LRCH1: variants seen among roughly 807,000 people sequenced by gnomAD.
LRCH1 encodes the protein leucine-rich repeat and calponin homology domain-containing protein 1.
In LRCH1, 23 loss-of-function variants were observed where a neutral mutation model predicts 94.9. That is an observed-to-expected ratio of 0.24 (90% CI 0.17 to 0.34). The LOEUF (loss-of-function observed/expected upper bound fraction) is 0.34, where lower values mean the gene tolerates loss of function less well. Ranked by LOEUF, LRCH1 falls within the 10% of genes least tolerant of loss-of-function variation. LRCH1 has a pLI of 1.00. For synonymous variants in LRCH1, 364 were observed against 354.9 expected (o/e 1.03, Z -0.29); for missense variants, 790 against 945.9 (o/e 0.84, Z 2.16).
At position 46,741,812 on chromosome 13, in the gene LRCH1, C is replaced by G. The variant is rs888669554; in HGVS notation, c.2256C>G (p.Val752=). 1 of 1,614,162 alleles carries G rather than the reference C, an allele frequency of 6.2e-7. No homozygotes were observed. The highest frequency in any genetic ancestry group is 8.5e-7 in the Non-Finnish European group (1 of 1,180,032). The change falls in exon 20 of 20, where the codon GTC becomes GTG. Residue 752 remains valine (V), a synonymous_variant. Transcript: ENST00000389797. The stretch of plus-strand genomic sequence containing the variant: ...TCCATATTCTCTTTATAGTGCTGGT[C>G]TATATCACTTACCACTGGAATGCTC... The part of the protein sequence containing the change: ...CLVHILFIVL[V]YITYHWNALS...
At chr13:46,657,495 CTTTTCTTTTTTTTTTTTTTTTTTTTT>C (rs2051387380) in intron 2 of LRCH1, among the ~76,000 whole-genome samples, 3 of 16,824 alleles carry the variant, frequency 1.8e-4, no homozygotes, top group Middle Eastern at 0.042. Context: ...TTTTTCTTTT[CTTTTCTTTTTTTTTTTTTTTTTTTTT>C]TTTTTTTTTT....
At chr13:46,697,255 C>G (rs923077227) in intron 9 of LRCH1, among the ~76,000 whole-genome samples, 1 of 152,162 alleles carries the variant, frequency 6.6e-6, no homozygotes, top group Non-Finnish European at 1.5e-5. Context: ...TTCCTGCACC[C>G]TCTGCTCACA....
chr13:46,678,687 T>A (rs1010741826), intron 3 of LRCH1, among the ~76,000 whole-genome samples: 1 of 152,224 alleles, frequency 6.6e-6, no homozygotes, highest in African/African-American at 2.4e-5. Context: ...CCATTTTCCC[T>A]ACTGCCAAAT....
At chr13:46,695,063 G>T (rs1871109422) in intron 9 of LRCH1, 46 bp downstream of exon 9, 1 of 1,602,326 alleles carries the variant, frequency 6.2e-7, no homozygotes, top group Non-Finnish European at 8.5e-7. Flanking sequence ...ATTTCCTTCT[G>T]TTTGGCACCG....
intron 1 of LRCH1, among the ~76,000 whole-genome samples, chr13:46,636,367 T>G (rs936107738): frequency 7.9e-5 from 12 of 152,188 alleles, no homozygotes; most frequent in Non-Finnish European, 1.5e-4. Flanking sequence ...CCACTGCGCC[T>G]GGCCCATCTC....
At chr13:46,660,946 G>A (rs1700186175) in intron 2 of LRCH1, among the ~76,000 whole-genome samples, 1 of 152,008 alleles carries the variant, frequency 6.6e-6, no homozygotes, top group Admixed American at 6.5e-5. Flanking sequence ...GTATATCTTC[G>A]ATCCTTGTTT....
At chr13:46,651,441 A>G (rs545515027) in intron 2 of LRCH1, among the ~76,000 whole-genome samples, 3 of 152,152 alleles carry the variant, frequency 2.0e-5, no homozygotes, top group South Asian at 2.1e-4. Flanking sequence ...AGGCGGAGGG[A>G]TCGCCTGTCA....
rs371666094 is a variant in LRCH1, at chr13:46,635,055, C to T, written c.308-15146C>T. On this transcript the variant is annotated intron_variant, in intron 1 of 19. Coordinates refer to ENST00000389797, the MANE Select transcript of LRCH1 (RefSeq NM_001164211.2). ...ATAAGGATTGGGTTTTTTATAGGCA[C>T]AGGTAACAAGGTTGAACACAACCAA... Among the ~76,000 whole-genome samples, 431 of 152,260 alleles carry T rather than the reference C, an allele frequency of 2.8e-3. 2 individuals carry two copies. The highest frequency in any genetic ancestry group is 0.019 in the South Asian group (93 of 4,830).
At chr13:46,706,732 A>G (rs1871780949) in intron 13 of LRCH1, among the ~76,000 whole-genome samples, 1 of 146,798 alleles carries the variant, frequency 6.8e-6, no homozygotes, top group African/African-American at 2.6e-5. Context: ...AATTTTAAAC[A>G]TGAAAATAAT....
chr13:46,597,178 G>T (rs145588623), intron 1 of LRCH1, among the ~76,000 whole-genome samples: 3 of 152,152 alleles, frequency 2.0e-5, no homozygotes, highest in Admixed American at 2.0e-4. Flanking sequence ...CAAGGTACAC[G>T]TACCCGGTGG....
intron 1 of LRCH1, among the ~76,000 whole-genome samples, chr13:46,559,811 T>A (rs915325433): frequency 2.0e-5 from 3 of 152,218 alleles, no homozygotes; most frequent in African/African-American, 7.2e-5. Flanking sequence ...TGGTAGGTGT[T>A]TGATACTAGG....
chr13:46,615,098 C>T (rs900044216), intron 1 of LRCH1, among the ~76,000 whole-genome samples: 5 of 152,104 alleles, frequency 3.3e-5, no homozygotes, highest in African/African-American at 9.7e-5. Flanking sequence ...TTCTTAAAAA[C>T]GTTCATTTCA....
chr13:46,735,593 T>C lies in LRCH1; in HGVS notation c.2085+1595T>C, dbSNP rs374419206. Among the ~76,000 whole-genome samples the C allele has an allele frequency of 3.3e-5, 5 of 152,238 alleles. 1 individual carries two copies. Among genetic ancestry groups the C allele is most frequent in the African/African-American group, 1.2e-4 (5 of 41,558 alleles). ...AAAGGAAACTAAATTACCATAAAAA[T>C]CCAGAGCAAAATTTATCATAATTTC... On this transcript the variant is annotated intron_variant, in intron 19 of 19. Transcript: ENST00000389797.
intron 1 of LRCH1, among the ~76,000 whole-genome samples, chr13:46,608,715 C>G (rs2137997799): frequency 6.6e-6 from 1 of 152,292 alleles, no homozygotes; most frequent in East Asian, 1.9e-4. Context: ...TTGCTCGTCT[C>G]TTGCTAAAAG....
intron 1 of LRCH1, among the ~76,000 whole-genome samples, chr13:46,607,423 T>G (rs1014892971): frequency 5.3e-5 from 8 of 152,198 alleles, no homozygotes; most frequent in Admixed American, 1.3e-4. Flanking sequence ...ATTTTTATTT[T>G]GTTTTGGTGC....
In LRCH1 at chr13:46,743,464, C is replaced by T. The variant is rs182554824; in HGVS notation, c.*1616C>T. On this transcript the variant is annotated 3_prime_UTR_variant, in exon 20 of 20. Transcript: ENST00000389797. ...ATTAACCTCAGTTGTATATGAATAA[C>T]CCACAGATGTACTGAATTACTTTTG... The T allele has an allele frequency of 3.0e-6, 3 of 985,728 alleles. No homozygotes were observed. In the East Asian group the frequency reaches 3.4e-4, roughly 112 times the overall value. 61.1% of individuals were successfully genotyped at this position (985,728 alleles called of 1,614,324 possible). A position where few individuals can be genotyped will look rare whatever the true frequency, so the allele number is the denominator to read the frequency against.
At chr13:46,750,563 C>T in exon 19 of LRCH1, 20 of 1,551,728 alleles carry the variant, frequency 1.3e-5, no homozygotes, top group Non-Finnish European at 1.6e-5. Flanking sequence ...TCCCCCACCA[C>T]ATCCTTGAAG....
intron 1 of LRCH1, among the ~76,000 whole-genome samples, chr13:46,646,448 TCAAA>T (rs1156697352): frequency 1.3e-5 from 2 of 152,210 alleles, no homozygotes; most frequent in East Asian, 1.9e-4. Flanking sequence ...AACAACCACT[TCAAA>T]CAGTTTCTTG....
chr13:46,573,866 A>ATATT, intron 1 of LRCH1, among the ~76,000 whole-genome samples: 13 of 63,362 alleles, frequency 2.1e-4, no homozygotes, highest in African/African-American at 4.7e-4. Context: ...ATATATATAT[A>ATATT]TTTTTTTTTT....
Sources: gnomAD v4.1 joint callset for allele counts (sites outside exome capture counted in the v4.1 genomes callset) on GRCh38, gnomAD v4.1.1 for gene constraint, MANE v1.5 for transcripts, NCBI Gene and HGNC (gene_info 2026-07-23, HGNC 2026-07-21) for gene names.